The following DDHD1 variants were observed in gnomAD, a reference collection of about 807,000 sequenced individuals.
The protein encoded by DDHD1 is phospholipase DDHD1.
DDHD1 carries 49 observed loss-of-function variants against 96.4 expected under a neutral mutation model. The ratio of observed to expected loss-of-function variants is 0.51; its 90% CI spans 0.40 to 0.64. DDHD1 has a LOEUF of 0.64. Ranked by LOEUF, DDHD1 falls within the 30% of genes least tolerant of loss-of-function variation. DDHD1 has a pLI of 0.00. For missense variants in DDHD1, 1,106 were observed against 1,161.2 expected (o/e 0.95, Z 0.69); for synonymous variants, 442 against 446.5 (o/e 0.99, Z 0.13).
intron 1 of DDHD1, among the ~76,000 whole-genome samples, chr14:53,142,450 G>C (rs972171260): frequency 6.9e-6 from 1 of 144,984 alleles, no homozygotes; most frequent in Non-Finnish European, 1.5e-5. Context: ...TTTTTTTCTT[G>C]CCGGCATGGC....
In DDHD1 at chr14:53,045,898, T is replaced by C. The variant is rs1881972963; in HGVS notation, c.*870A>G. On this transcript the variant is annotated 3_prime_UTR_variant, in exon 13 of 13. Transcript: ENST00000673822. The stretch of plus-strand genomic sequence containing the variant: ...CTACCTATTCAAAAGCATTTACTAG[T>C]TTTCTAATAAAGCTAATGAAATGTA... The C allele has an allele frequency of 6.6e-6, 1 of 152,210 alleles. No homozygotes were observed. The highest frequency in any genetic ancestry group is 2.4e-5 in the African/African-American group (1 of 41,466). The allele number at this position is 152,210 out of a possible 1,614,324, so 9.4% of individuals were successfully genotyped here.
chr14:53,081,391 T>C (rs1201858226), intron 4 of DDHD1, among the ~76,000 whole-genome samples: 1 of 152,240 alleles, frequency 6.6e-6, no homozygotes, highest in East Asian at 1.9e-4. Context: ...GTAGTTCTTA[T>C]GTAAATCATT....
intron 1 of DDHD1, among the ~76,000 whole-genome samples, chr14:53,146,813 T>C (rs1201989315): frequency 2.6e-5 from 4 of 152,210 alleles, no homozygotes; most frequent in Non-Finnish European, 5.9e-5. Context: ...AACTGTAGAT[T>C]ATATACAGTA....
rs547499262 is a variant in DDHD1, at chr14:53,110,238, C to T, written c.839-6382G>A. Among the ~76,000 whole-genome samples the T allele has an allele frequency of 5.4e-4, 82 of 152,332 alleles. 2 individuals are homozygous for T. The South Asian group carries it at 0.013, about 25-fold the overall frequency. ...CCTACAGTCATTATTTGAGTTCACA[C>T]TAATCATTTCTTGTTTTATTTCAGA... On this transcript the variant is annotated intron_variant, in intron 1 of 12. Coordinates refer to ENST00000673822, the MANE Select transcript of DDHD1 (RefSeq NM_001160148.2).
chr14:53,107,716 G>A (rs952121236), intron 1 of DDHD1, among the ~76,000 whole-genome samples: 10 of 152,114 alleles, frequency 6.6e-5, no homozygotes, highest in Admixed American at 1.3e-4. Context: ...ACTTGAACCC[G>A]GGAGGCGGAG....
rs1023600063 is a variant in DDHD1 at position 53,037,109 on chromosome 14, G to A, written c.*9659C>T. The A allele has an allele frequency of 2.0e-5, 3 of 152,066 alleles. No individual in the cohort carries two copies. The highest frequency in any genetic ancestry group is 7.2e-5 in the African/African-American group (3 of 41,398). 9.4% of individuals were successfully genotyped at this position (152,066 alleles called of 1,614,324 possible). A position where few individuals can be genotyped will look rare whatever the true frequency, so the allele number is the denominator to read the frequency against. On this transcript the variant is annotated 3_prime_UTR_variant, in exon 13 of 13. Transcript: ENST00000673822. ...GGCTGGCTGCAAAGGACATGATTTT[G>A]TTCTTTTTATGGCTGCCTAATACTC...
At chr14:53,098,162 A>T (rs764865944) in intron 2 of DDHD1, among the ~76,000 whole-genome samples, 15 of 152,210 alleles carry the variant, frequency 9.9e-5, no homozygotes, top group Non-Finnish European at 2.1e-4. Context: ...TTTTTTTAAA[A>T]TACAGTTTTA....
intron 8 of DDHD1, among the ~76,000 whole-genome samples, chr14:53,059,180 T>G (rs1243488841): frequency 6.6e-6 from 1 of 152,132 alleles, no homozygotes; most frequent in East Asian, 1.9e-4. Flanking sequence ...AGAATAACAT[T>G]CCAGGCTGAT....
intron 1 of DDHD1, among the ~76,000 whole-genome samples, chr14:53,108,187 G>C (rs565072727): frequency 6.6e-6 from 1 of 152,236 alleles, no homozygotes; most frequent in East Asian, 1.9e-4. Context: ...CTCCGGATCC[G>C]GCAGGGTGTC....
At chr14:53,103,949 TG>T (rs778418842) in intron 1 of DDHD1, 93 bp from the exon 2 acceptor site, 9 of 1,163,640 alleles carry the variant, frequency 7.7e-6, no homozygotes, top group Non-Finnish European at 1.1e-5. Context: ...TTGCTACTGC[TG>T]TCACAAAAAC....
intron 1 of DDHD1, among the ~76,000 whole-genome samples, chr14:53,145,805 C>T (rs1203727370): frequency 6.6e-6 from 1 of 152,152 alleles, no homozygotes; most frequent in Admixed American, 6.5e-5. Context: ...AATGTCATTT[C>T]CAAAGGGTGA....
At chr14:53,058,696 ACG>A in intron 8 of DDHD1, 70 bp from the exon 9 acceptor site, 1 of 1,417,630 alleles carries the variant, frequency 7.1e-7, no homozygotes, top group South Asian at 1.3e-5. Flanking sequence ...TTTGGGCATA[ACG>A]TAATATATGG....
At chr14:53,126,780 A>G (rs1566590370) in intron 1 of DDHD1, among the ~76,000 whole-genome samples, 1 of 152,176 alleles carries the variant, frequency 6.6e-6, no homozygotes, top group Non-Finnish European at 1.5e-5. Context: ...AATATTAACT[A>G]TTTGTTGAAT....
rs781757807 is a variant in DDHD1 at position 53,080,717 on chromosome 14, C to CTTCCTTTTTTTTT, written c.1290-6871_1290-6870insAAAAAAAAAGGAA. Reference sequence around the variant, plus strand: ...ATAATTTCATTTCTTTTCCTTCCCCCTTTTTTTTTTTTTTTTTTTTGGAGA... The same window carrying CTTCCTTTTTTTTT: ...ATAATTTCATTTCTTTTCCTTCCCCCTTCCTTTTTTTTTTTTTTTTTTTTTTTTTTTTTGGAGA... On this transcript the variant is annotated intron_variant, in intron 4 of 12. Coordinates refer to ENST00000673822, the MANE Select transcript of DDHD1 (RefSeq NM_001160148.2). 7.8e-5 allele frequency among the ~76,000 whole-genome samples: 7 copies of CTTCCTTTTTTTTT among 89,538 alleles called. 1 individual carries two copies. Among genetic ancestry groups the CTTCCTTTTTTTTT allele is most frequent in the African/African-American group, 1.6e-4 (3 of 19,288 alleles). The allele number at this position is 89,538 out of a possible 152,430, so 58.7% of individuals were successfully genotyped here. A position where few individuals can be genotyped will look rare whatever the true frequency, so the allele number is the denominator to read the frequency against.
chr14:53,133,661 T>C (rs1288838186), intron 1 of DDHD1, among the ~76,000 whole-genome samples: 1 of 152,210 alleles, frequency 6.6e-6, no homozygotes, highest in Non-Finnish European at 1.5e-5. Context: ...ACAGCCCATT[T>C]GAGCTCCTGT....
At chr14:53,131,491 C>A (rs1032593683) in intron 1 of DDHD1, among the ~76,000 whole-genome samples, 12 of 152,122 alleles carry the variant, frequency 7.9e-5, no homozygotes, top group Non-Finnish European at 1.3e-4. Context: ...CATATACTTT[C>A]CTATCCTCAA....
chr14:53,098,501 G>T lies in DDHD1; in HGVS notation c.1013-5057C>A, dbSNP rs184806768. Among the ~76,000 whole-genome samples, 1,286 of 152,076 alleles carry T rather than the reference G, an allele frequency of 8.5e-3. 35 individuals carry two copies. Among genetic ancestry groups the T allele is most frequent in the Admixed American group, 0.024 (361 of 15,272 alleles). On this transcript the variant is annotated intron_variant, in intron 2 of 12. Coordinates refer to ENST00000673822, the MANE Select transcript of DDHD1 (RefSeq NM_001160148.2). ...GAAAAATTCCAACCCCAGGGAAGCA[G>T]TCTTACACATCTCTAACCTGCCAAC...
rs1881719349 is a variant in DDHD1 at position 53,042,370 on chromosome 14, CATT to C, written c.*4395_*4397del. 3 of 152,244 alleles carry C rather than the reference CATT, an allele frequency of 2.0e-5. No homozygotes were observed. The highest frequency in any genetic ancestry group is 2.1e-4 in the South Asian group (1 of 4,818). 9.4% of individuals were successfully genotyped at this position (152,244 alleles called of 1,614,324 possible). ...GCCCCTTCCAGCTTTAAAATTCCAT[CATT>C]AATATTTTTTTACTTTACCACTTCC... On this transcript the variant is annotated 3_prime_UTR_variant, in exon 13 of 13. Transcript: ENST00000673822.
At chr14:53,064,397 A>G (rs1247194128) in intron 6 of DDHD1, among the ~76,000 whole-genome samples, 1 of 151,998 alleles carries the variant, frequency 6.6e-6, no homozygotes, top group Non-Finnish European at 1.5e-5. Context: ...AAACATACCT[A>G]ATCTTTTTGT....
Sources: allele counts gnomAD v4.1 joint callset (sites outside exome capture counted in the v4.1 genomes callset), GRCh38; gene constraint gnomAD v4.1.1; transcripts MANE v1.5; gene names NCBI Gene and HGNC (gene_info 2026-07-23, HGNC 2026-07-21).